APOB: variants seen among roughly 807,000 people sequenced by gnomAD.
APOB encodes apolipoprotein B.
APOB carries 153 observed loss-of-function variants against 314.1 expected under a neutral mutation model. The ratio of observed to expected loss-of-function variants is 0.49; its 90% confidence interval spans 0.43 to 0.56. The LOEUF is 0.56. Among genes scored for constraint, APOB ranks in the 20% least tolerant of loss-of-function variants. The pLI, the probability that APOB is intolerant of heterozygous loss-of-function variation, is 0.00. For synonymous variants in APOB, 2,087 were observed against 2,036.4 expected (o/e 1.02, Z -0.67); for missense variants, 5,430 against 5,350.7 (o/e 1.01, Z -0.46).
intron 23 of APOB, 54 bp downstream of exon 23, chr2:21,015,019 G>C (rs1260365329): frequency 3.3e-6 from 5 of 1,526,940 alleles, no homozygotes; most frequent in Non-Finnish European, 9.1e-7. Flanking sequence ...CAGAGTTGAG[G>C]ATGTAATTAG....
Position 21,002,115 on chromosome 2 carries a change from A to T in APOB, c.13307T>A (p.Leu4436His), listed in dbSNP as rs374044926. 7 of 1,613,818 alleles carry T rather than the reference A, an allele frequency of 4.3e-6. No individual in the cohort carries two copies. The highest frequency in any genetic ancestry group is 5.9e-6 in the Non-Finnish European group (7 of 1,179,992). Residue 4436 changes from leucine to histidine, a missense_variant, in exon 29 of 29, where the codon CTC becomes CAC. Physicochemically the swap from Leu to His is moderately conservative, Grantham distance 99. Coordinates refer to ENST00000233242, the MANE Select transcript of APOB (RefSeq NM_000384.3). Reference sequence around the variant, plus strand: ...CAGAAATTGCTCAACTTGACTTGAGAGTTGGGAAGTAAAGTTAGAGGCACT... The same window carrying T: ...CAGAAATTGCTCAACTTGACTTGAGTGTTGGGAAGTAAAGTTAGAGGCACT... The part of the protein sequence containing the change: ...IVSASNFTSQ[L>H]SSQVEQFLHR...
rs1454696355 is a variant in APOB at position 21,002,326 on chromosome 2, C to T, written c.13096G>A (p.Glu4366Lys). 12 of 1,612,514 alleles carry T rather than the reference C, an allele frequency of 7.4e-6. No individual in the cohort carries two copies. The highest frequency in any genetic ancestry group is 1.7e-4 in the Middle Eastern group (1 of 6,052). ...LHKFNEFIQN[E>K]LQEASQELQQ... ...AACTCTTGAGAAGCTTCCTGAAGCT[C>T]GTTTTGAATAAATTCATTGAACTTA... The change falls in exon 29 of 29, where the codon GAG becomes AAG. Residue 4366 changes from glutamate to lysine, a missense_variant. This residue lies in a region of APOB where 3,281 missense variants were observed against 3,171.0 expected (regional missense o/e 1.03). Coordinates refer to ENST00000233242, the MANE Select transcript of APOB (RefSeq NM_000384.3).
In APOB at chr2:21,008,868, T is replaced by C. The variant is rs1261065254; in HGVS notation, c.8000A>G (p.Glu2667Gly). 5.0e-6 allele frequency: 8 copies of C among 1,613,960 alleles called. No homozygotes were observed. Among genetic ancestry groups the C allele is most frequent in the East Asian group, 2.2e-5 (1 of 44,898 alleles). Residue 2667 changes from glutamate (E) to glycine (G), a missense_variant, in exon 26 of 29, where the codon GAA becomes GGA. Physicochemically the swap from Glu to Gly is moderately conservative, Grantham distance 98 (BLOSUM62 -2). This residue lies in a region of APOB where 3,281 missense variants were observed against 3,171.0 expected (regional missense o/e 1.03). Transcript: ENST00000233242. ...GGTTCTGATGATCTTTACTTTCATT[T>C]CTACAAAGTCAATTGTAAAGGAAGG... Reference protein sequence around the residue: ...HIPSFTIDFVEMKVKIIRTID... With the variant: ...HIPSFTIDFVGMKVKIIRTID...
rs142756262 is a variant in APOB, at chr2:21,007,986, T to A, written c.8882A>T (p.Asn2961Ile). The A allele has an allele frequency of 1.7e-5, 28 of 1,613,978 alleles. No individual in the cohort carries two copies. The highest frequency in any genetic ancestry group is 1.7e-4 in the Admixed American group (10 of 59,994). ...EGPLTSFGLS[N>I]KINSKHLRVN... ...TCTTAGGTGTTTGCTATTGATCTTATTGGACAGTCCAAAGGAAGTGAGGGG... is the reference window on the plus strand; with the variant it reads ...TCTTAGGTGTTTGCTATTGATCTTAATGGACAGTCCAAAGGAAGTGAGGGG... Residue 2961 changes from asparagine (N) to isoleucine (I), a missense_variant, in exon 26 of 29, where the codon AAT (asparagine) becomes ATT (isoleucine). Asn to Ile is a moderately radical substitution (Grantham distance 149, BLOSUM62 -3). This residue lies in a region of APOB where 3,281 missense variants were observed against 3,171.0 expected (regional missense o/e 1.03). Transcript: ENST00000233242.
chr2:21,016,339 G>T, intron 21 of APOB, 100 bp downstream of exon 21: 1 of 726,454 alleles, frequency 1.4e-6, no homozygotes, highest in Admixed American at 2.1e-5. Flanking sequence ...TTGTAGACTA[G>T]GGGAGAACAT....
rs566760356 is a variant in APOB at position 21,001,919 on chromosome 2, A to G, written c.13503T>C (p.Asp4501=). 1 of 1,614,036 alleles carries G rather than the reference A, an allele frequency of 6.2e-7. No individual in the cohort carries two copies. The highest frequency in any genetic ancestry group is 2.2e-5 in the East Asian group (1 of 44,870). ...YHQQFRYKLQ[D]FSDQLSDYYE... ...AGTAATCAGAGAGTTGGTCTGAAAAATCTTGCAGTTTATATCTAAACTGCT... is the reference window on the plus strand; with the variant it reads ...AGTAATCAGAGAGTTGGTCTGAAAAGTCTTGCAGTTTATATCTAAACTGCT... The change falls in exon 29 of 29, where the codon GAT becomes GAC. Residue 4501 remains aspartate (D), a synonymous_variant. Coordinates refer to ENST00000233242, the MANE Select transcript of APOB (RefSeq NM_000384.3).
In APOB at chr2:21,040,979, C is replaced by A; in HGVS notation, c.342G>T (p.Lys114Asn). 6.2e-7 allele frequency: 1 copy of A among 1,614,074 alleles called. No individual in the cohort carries two copies. ...CAAACTCCTCAGAGTTCTTGGTTTT[C>A]TTCAGCAAGGCTTTGCCCTCAGGGT... is the stretch of plus-strand genomic sequence containing the variant. ...GFNPEGKALLKKTKNSEEFAA... is the reference protein window; with the variant it reads ...GFNPEGKALLNKTKNSEEFAA... Residue 114 changes from lysine (K) to asparagine (N), a missense_variant, in exon 4 of 29, where the codon AAG becomes AAT. Physicochemically the swap from Lys to Asn is moderately conservative, Grantham distance 94. Coordinates refer to ENST00000233242, the MANE Select transcript of APOB (RefSeq NM_000384.3).
rs72654404 is a variant in APOB, at chr2:21,007,001, G to T, written c.9867C>A (p.Asp3289Glu). 6.4e-5 allele frequency: 104 copies of T among 1,613,988 alleles called. No individual in the cohort carries two copies. In the African/African-American group the frequency reaches 1.3e-3, roughly 20 times the overall value. The change falls in exon 26 of 29, where the codon GAC becomes GAA. Residue 3289 changes from aspartate to glutamate, a missense_variant. Physicochemically the swap from Asp to Glu is conservative, Grantham distance 45 (BLOSUM62 2). Coordinates refer to ENST00000233242, the MANE Select transcript of APOB (RefSeq NM_000384.3). ...SMPSFSILGSDVRVPSYTLIL... is the reference protein window; with the variant it reads ...SMPSFSILGSEVRVPSYTLIL... ...TTAATGTGTATGAAGGCACACGGAC[G>T]TCAGAACCTAGGATGGAGAAACTAG...
chr2:21,010,581 TGTAC>T lies in APOB; in HGVS notation c.6283_6286del (p.Val2095ArgfsTer4). 2 of 1,613,890 alleles carry T rather than the reference TGTAC, an allele frequency of 1.2e-6. No individual in the cohort carries two copies. Among genetic ancestry groups the T allele is most frequent in the Non-Finnish European group, 1.7e-6 (2 of 1,179,924 alleles). ...AATATTGATGTGCTTCAGGTTTCTC[TGTAC>T]GTTTTCCAGTACAACTATAATGGTT... On this transcript the variant is annotated frameshift_variant, in exon 26 of 29. Coordinates refer to ENST00000233242, the MANE Select transcript of APOB (RefSeq NM_000384.3). LOFTEE classifies it high-confidence loss of function.
chr2:21,019,159 A>G (rs1251329048), intron 19 of APOB, 46 bp from the exon 20 acceptor site: 22 of 1,613,200 alleles, frequency 1.4e-5, no homozygotes, highest in Non-Finnish European at 1.8e-5. Flanking sequence ...AGAGCTTTCA[A>G]GGATGGTGAT....
At chr2:21,041,503 A>G (rs976025529) in intron 3 of APOB, among the ~76,000 whole-genome samples, 1 of 152,216 alleles carries the variant, frequency 6.6e-6, no homozygotes, top group African/African-American at 2.4e-5. Context: ...ATGTCACCCA[A>G]AAAACTGGTT....
At chr2:21,039,962 T>C (rs572161990) in intron 4 of APOB, among the ~76,000 whole-genome samples, 18 of 152,344 alleles carry the variant, frequency 1.2e-4, no homozygotes, top group African/African-American at 3.6e-4. Context: ...GGTTTGGCTC[T>C]GCGTCCCCAC....
In APOB at chr2:21,007,644, G is replaced by A; in HGVS notation, c.9224C>T (p.Ala3075Val). 1.9e-6 allele frequency: 3 copies of A among 1,614,074 alleles called. No individual in the cohort carries two copies. The highest frequency in any genetic ancestry group is 2.5e-6 in the Non-Finnish European group (3 of 1,179,966). The change falls in exon 26 of 29, where the codon GCA becomes GTA. Residue 3075 changes from alanine (A) to valine (V), a missense_variant. Ala to Val is a moderately conservative substitution (Grantham distance 64). Around this residue, in one of 3 missense-constraint regions of APOB, gnomAD observed 3,281 missense variants for 3,171.0 expected, o/e 1.03. Coordinates refer to ENST00000233242, the MANE Select transcript of APOB (RefSeq NM_000384.3). Reference sequence around the variant, plus strand: ...CTGGGCACTGGGACTCAGAAACAGTGCATAGTTATTCAGGAAGTCTATCTT... The same window carrying A: ...CTGGGCACTGGGACTCAGAAACAGTACATAGTTATTCAGGAAGTCTATCTT... ...TGKIDFLNNY[A>V]LFLSPSAQQA...
In APOB at chr2:21,004,322, C is replaced by T. The variant is rs781252339; in HGVS notation, c.12034G>A (p.Asp4012Asn). 6.2e-7 allele frequency: 1 copy of T among 1,613,972 alleles called. No individual in the cohort carries two copies. The highest frequency in any genetic ancestry group is 2.2e-5 in the East Asian group (1 of 44,874). The change falls in exon 28 of 29, where the codon GAT becomes AAT. Residue 4012 changes from aspartate to asparagine, a missense_variant. Around this residue, in one of 3 missense-constraint regions of APOB, gnomAD observed 3,281 missense variants for 3,171.0 expected, o/e 1.03. Transcript: ENST00000233242. ...ASPAVGTVGM[D>N]MDEDDDFSKW... ...GAAAAGTCGTCATCTTCATCCATAT[C>T]CATGCCCACGGTGCCTACGGCTGGG...
At chr2:21,033,273 A>G (rs1415403335) in intron 9 of APOB, 26 bp downstream of exon 9, 3 of 1,588,118 alleles carry the variant, frequency 1.9e-6, no homozygotes, top group Non-Finnish European at 2.6e-6. Flanking sequence ...AGTTTTATAA[A>G]AAGTTGAGCT....
rs1664205819 is a variant in APOB at position 21,043,976 on chromosome 2, G to T, written c.-31C>A. 8.5e-7 allele frequency: 1 copy of T among 1,173,394 alleles called. No homozygotes were observed. Among genetic ancestry groups the T allele is most frequent in the Non-Finnish European group, 1.1e-6 (1 of 930,904 alleles). 72.7% of individuals were successfully genotyped at this position (1,173,394 alleles called of 1,614,324 possible). A position where few individuals can be genotyped will look rare whatever the true frequency, so the allele number is the denominator to read the frequency against. ...GCTGCGGTGGGGCGGCTCCTGGGCT[G>T]CGGCCTGGCCTCGGCCTCGCGGCCC... is the stretch of plus-strand genomic sequence containing the variant. On this transcript the variant is annotated 5_prime_UTR_variant, in exon 1 of 29. Transcript: ENST00000233242.
intron 4 of APOB, among the ~76,000 whole-genome samples, chr2:21,040,250 T>C (rs1664098938): frequency 6.6e-6 from 1 of 152,212 alleles, no homozygotes; most frequent in Admixed American, 6.5e-5. Flanking sequence ...ACCTTTCTTT[T>C]GTAAATTGCC....
chr2:21,022,139 A>AT (rs1386194450), intron 18 of APOB, among the ~76,000 whole-genome samples: 20 of 151,788 alleles, frequency 1.3e-4, no homozygotes, highest in South Asian at 2.1e-4. Flanking sequence ...TATTTATTTA[A>AT]TTTTTTTTGT....
In APOB at chr2:21,007,251, C is replaced by T; in HGVS notation, c.9617G>A (p.Arg3206Lys). ...ATTGTTTCTGTTTTTTTCAAAATGC[C>T]TGTCAAAGGATTTGATGCTCTGACT... ...FISQSIKSFD[R>K]HFEKNRNNAL... The change falls in exon 26 of 29, where the codon AGG (arginine) becomes AAG (lysine). Residue 3206 changes from arginine (R) to lysine (K), a missense_variant. Arg to Lys is a conservative substitution (Grantham distance 26). Around this residue, in one of 3 missense-constraint regions of APOB, gnomAD observed 3,281 missense variants for 3,171.0 expected, o/e 1.03. Coordinates refer to ENST00000233242, the MANE Select transcript of APOB (RefSeq NM_000384.3). 2 of 1,613,172 alleles carry T rather than the reference C, an allele frequency of 1.2e-6. No individual in the cohort carries two copies. The highest frequency in any genetic ancestry group is 1.7e-6 in the Non-Finnish European group (2 of 1,179,514).
Sources: allele counts gnomAD v4.1 joint callset (sites outside exome capture counted in the v4.1 genomes callset), GRCh38; gene constraint gnomAD v4.1.1; regional missense constraint gnomAD v4.1.1; transcripts MANE v1.5; gene names NCBI Gene and HGNC (gene_info 2026-07-23, HGNC 2026-07-21).